Variants in LRBA observed in about 807,000 individuals in gnomAD.
The protein encoded by LRBA is LPS responsive beige-like anchor protein.
LRBA carries 176 observed loss-of-function variants against 330.0 expected under a neutral mutation model. The observed-to-expected ratio is 0.53, with a 90% CI of 0.47 to 0.60. The LOEUF (loss-of-function observed/expected upper bound fraction) is 0.60, where lower values mean the gene tolerates loss of function less well. LRBA is among the 20% of genes least tolerant of loss of function. The pLI is 0.00. For synonymous variants in LRBA, 1,230 were observed against 1,193.0 expected (o/e 1.03, Z -0.64); for missense variants, 3,259 against 3,444.8 (o/e 0.95, Z 1.35).
intron 47 of LRBA, among the ~76,000 whole-genome samples, chr4:150,407,618 C>T (rs541030341): frequency 6.6e-6 from 1 of 152,228 alleles, no homozygotes; most frequent in South Asian, 2.1e-4. Context: ...CTATATAGAC[C>T]CAATGCTAGG....
At chr4:150,808,020 C>A (rs1335415436) in intron 32 of LRBA, among the ~76,000 whole-genome samples, 1 of 152,168 alleles carries the variant, frequency 6.6e-6, no homozygotes, top group Non-Finnish European at 1.5e-5. Flanking sequence ...GAAAGAAAGT[C>A]ATAAGCTTAT....
At chr4:150,506,949 C>T (rs1345059733) in intron 40 of LRBA, among the ~76,000 whole-genome samples, 1 of 151,626 alleles carries the variant, frequency 6.6e-6, no homozygotes, top group Non-Finnish European at 1.5e-5. Flanking sequence ...AAACAGAGAG[C>T]CAAATCATGA....
intron 47 of LRBA, among the ~76,000 whole-genome samples, chr4:150,387,960 C>A (rs1052228775): frequency 6.6e-6 from 1 of 152,134 alleles, no homozygotes; most frequent in African/African-American, 2.4e-5. Flanking sequence ...ATAAAAGACT[C>A]GGGGTGTTTT....
intron 37 of LRBA, among the ~76,000 whole-genome samples, chr4:150,654,016 A>G (rs1171882416): frequency 6.6e-6 from 1 of 152,214 alleles, no homozygotes; most frequent in Non-Finnish European, 1.5e-5. Flanking sequence ...CAGATTACTG[A>G]GTTCTAAAGT....
intron 36 of LRBA, among the ~76,000 whole-genome samples, chr4:150,711,333 T>C (rs533176716): frequency 1.9e-4 from 29 of 152,102 alleles, no homozygotes; most frequent in African/African-American, 6.7e-4. Flanking sequence ...CCTCCCAGGT[T>C]CAAACAATTC....
intron 44 of LRBA, among the ~76,000 whole-genome samples, chr4:150,460,984 CCAATAAATGAAT>C (rs1261673352): frequency 1.3e-5 from 2 of 151,718 alleles, no homozygotes; most frequent in Non-Finnish European, 2.9e-5. Flanking sequence ...CAATTAACAA[CCAATAAATGAAT>C]GAACAAATGA....
At chr4:150,720,890 C>T (rs933239978) in intron 36 of LRBA, 19 of 329,354 alleles carry the variant, frequency 5.8e-5, no homozygotes, top group African/African-American at 3.7e-4. Context: ...CTGAAAGCAA[C>T]ATTCAAAGTC....
chr4:150,940,012 T>C lies in LRBA; in HGVS notation c.217-10947A>G, dbSNP rs959532664. ...TGTCAAAAAATAGGTTTGTGATTGG[T>C]ACTCAGTTTTTCCAAAAAGAACAAT... On this transcript the variant is annotated intron_variant, in intron 2 of 56. Transcript: ENST00000651943. Among the ~76,000 whole-genome samples, 7 of 152,004 alleles carry C rather than the reference T, an allele frequency of 4.6e-5. No individual in the cohort carries two copies. The South Asian group carries it at 1.0e-3, about 23-fold the overall frequency.
At chr4:150,515,512 T>C (rs544590862) in intron 40 of LRBA, among the ~76,000 whole-genome samples, 4 of 152,264 alleles carry the variant, frequency 2.6e-5, no homozygotes, top group East Asian at 3.9e-4. Context: ...AATTAATTAG[T>C]GTAGGTACAG....
At chr4:150,448,755 T>A (rs1561193445) in intron 44 of LRBA, among the ~76,000 whole-genome samples, 3 of 118,086 alleles carry the variant, frequency 2.5e-5, no homozygotes. Flanking sequence ...TGAGCCAAGA[T>A]CATGCCCTTG....
intron 40 of LRBA, among the ~76,000 whole-genome samples, chr4:150,523,169 T>C (rs1763106988): frequency 6.6e-6 from 1 of 152,232 alleles, no homozygotes; most frequent in Middle Eastern, 3.2e-3. Flanking sequence ...TGTGGTAGAA[T>C]AAATGTGTTT....
chr4:150,751,766 T>C (rs1165303294), intron 35 of LRBA, among the ~76,000 whole-genome samples: 5 of 152,120 alleles, frequency 3.3e-5, no homozygotes, highest in African/African-American at 1.2e-4. Context: ...AACAGCCCTA[T>C]CAAGTAACCA....
chr4:150,462,704 T>C (rs1359768382), intron 44 of LRBA, among the ~76,000 whole-genome samples: 2 of 151,830 alleles, frequency 1.3e-5, no homozygotes, highest in African/African-American at 4.8e-5. Context: ...TATGCATAAA[T>C]AATTCAATAC....
At chr4:150,871,316 A>G in intron 19 of LRBA, 29 bp downstream of exon 19, 1 of 1,181,486 alleles carries the variant, frequency 8.5e-7, no homozygotes, top group Non-Finnish European at 1.3e-6. Context: ...TAAGAAATTT[A>G]GAGGAGTAAA....
intron 2 of LRBA, among the ~76,000 whole-genome samples, chr4:150,997,716 CT>C (rs1346582705): frequency 4.0e-5 from 6 of 150,060 alleles, no homozygotes; most frequent in East Asian, 2.0e-4. Flanking sequence ...TTTAATAATC[CT>C]TTTTGAGACA....
At chr4:150,344,856 TTA>T (rs58181515) in intron 48 of LRBA, among the ~76,000 whole-genome samples, 31,519 of 152,118 alleles carry the variant, frequency 0.21, 3,966 homozygotes, top group Non-Finnish European at 0.29. Flanking sequence ...CTGCTGAAAA[TTA>T]TGTTTTATGG....
rs535131097 is a variant in LRBA at position 150,815,726 on chromosome 4, G to A, written c.5305+1398C>T. ...AGAAATGCCACCTAAAGTAAATTTC[G>A]AAAATCAAAATTGCCAGTAGCCCAA... On this transcript the variant is annotated intron_variant, in intron 31 of 56. Coordinates refer to ENST00000651943, the MANE Select transcript of LRBA (RefSeq NM_001364905.1). Among the ~76,000 whole-genome samples, 7 of 151,796 alleles carry A rather than the reference G, an allele frequency of 4.6e-5. No individual in the cohort carries two copies. The South Asian group carries it at 8.3e-4, about 18-fold the overall frequency.
chr4:150,896,064 T>A (rs1418505188), intron 16 of LRBA, among the ~76,000 whole-genome samples: 1 of 152,308 alleles, frequency 6.6e-6, no homozygotes, highest in South Asian at 2.1e-4. Context: ...TAAAACCTAA[T>A]CATTTTTAGT....
intron 39 of LRBA, among the ~76,000 whole-genome samples, chr4:150,590,211 CA>C (rs1193462144): frequency 6.6e-6 from 1 of 152,092 alleles, no homozygotes; most frequent in Non-Finnish European, 1.5e-5. Context: ...GAGTGCAAAT[CA>C]AAATTCCTAC....
Sources: allele counts gnomAD v4.1 joint callset (sites outside exome capture counted in the v4.1 genomes callset), GRCh38; gene constraint gnomAD v4.1.1; transcripts MANE v1.5; gene names NCBI Gene and HGNC (gene_info 2026-07-23, HGNC 2026-07-21).